Variants in MCC observed in about 807,000 individuals in gnomAD.
The protein encoded by MCC is MCC regulator of Wnt signaling pathway, also known as colorectal mutant cancer protein.
A neutral mutation model predicts 116.2 loss-of-function variants in MCC; 90 were observed. The ratio of observed to expected loss-of-function variants is 0.77; its 90% CI spans 0.65 to 0.92. The LOEUF (loss-of-function observed/expected upper bound fraction) is 0.92. Among genes scored for constraint, MCC ranks in the 40% least tolerant of loss-of-function variants. The pLI, the probability that MCC is intolerant of heterozygous loss-of-function variation, is 0.00. For missense variants in MCC, 1,516 were observed against 1,312.2 expected (o/e 1.16, Z -2.40); for synonymous variants, 578 against 510.5 (o/e 1.13, Z -1.78).
chr5:113,418,120 C>T (rs1770209382), intron 1 of MCC, among the ~76,000 whole-genome samples: 2 of 151,968 alleles, frequency 1.3e-5, no homozygotes, highest in Admixed American at 1.3e-4. Flanking sequence ...TTGTCTAAGG[C>T]CTACTTCTTT....
At chr5:113,459,633 T>C (rs1205914023) in intron 1 of MCC, among the ~76,000 whole-genome samples, 1 of 152,164 alleles carries the variant, frequency 6.6e-6, no homozygotes, top group South Asian at 2.1e-4. Context: ...GCAATCCTGA[T>C]GGAAGGACCT....
At chr5:113,098,497 T>C (rs1368941402) in intron 8 of MCC, among the ~76,000 whole-genome samples, 2 of 152,348 alleles carry the variant, frequency 1.3e-5, no homozygotes, top group South Asian at 2.1e-4. Context: ...CTCCCTTGCC[T>C]ACATTAAGCC....
chr5:113,352,729 G>A (rs1407835019), intron 2 of MCC, among the ~76,000 whole-genome samples: 1 of 151,776 alleles, frequency 6.6e-6, no homozygotes, highest in East Asian at 1.9e-4. Flanking sequence ...CAGATCTATA[G>A]TAAGAGATGA....
At chr5:113,129,990 T>C (rs1263186718) in intron 5 of MCC, among the ~76,000 whole-genome samples, 1 of 152,212 alleles carries the variant, frequency 6.6e-6, no homozygotes, top group African/African-American at 2.4e-5. Flanking sequence ...ACTGGGTATA[T>C]ACCCAAAGGA....
chr5:113,344,243 C>T (rs1222610403), intron 2 of MCC, among the ~76,000 whole-genome samples: 1 of 152,168 alleles, frequency 6.6e-6, no homozygotes, highest in African/African-American at 2.4e-5. Context: ...TTGGATCAGC[C>T]CTAGCCAGAG....
chr5:113,066,694 G>T (rs573641345), intron 13 of MCC, among the ~76,000 whole-genome samples: 2 of 152,232 alleles, frequency 1.3e-5, no homozygotes, highest in South Asian at 4.1e-4. Flanking sequence ...CCAGACAAAG[G>T]GGGAGGAGCG....
At position 113,151,358 on chromosome 5, in the gene MCC, T is replaced by C. The variant is rs751979158; in HGVS notation, c.692A>G (p.Gln231Arg). 1 of 1,613,984 alleles carries C rather than the reference T, an allele frequency of 6.2e-7. No individual in the cohort carries two copies. Among genetic ancestry groups the C allele is most frequent in the Non-Finnish European group, 8.5e-7 (1 of 1,179,926 alleles). The change falls in exon 4 of 19, where the codon CAA becomes CGA. Residue 231 changes from glutamine to arginine, a missense_variant. Transcript: ENST00000408903. The stretch of plus-strand genomic sequence containing the variant: ...CAGAAGGTCCCGTTCCCTCTCTGTT[T>C]GCTGGAGACGTTTATTAAGTTCCAC... ...DIVELNKRLQQTERERDLLEK... is the reference protein window; with the variant it reads ...DIVELNKRLQRTERERDLLEK...
In MCC at chr5:113,324,116, A is replaced by T. The variant is rs530086222; in HGVS notation, c.627+16403T>A. ...TGCGGTGTTGCAAGGGAGGAAACAA[A>T]TGGACAGGAGAGAGCAATGAGGATT... On this transcript the variant is annotated intron_variant, in intron 3 of 18. Transcript: ENST00000408903. Among the ~76,000 whole-genome samples the T allele has an allele frequency of 3.9e-5, 6 of 152,278 alleles. No homozygotes were observed. In the East Asian group the frequency reaches 1.2e-3, roughly 29 times the overall value.
At chr5:113,405,244 C>T (rs1479429998) in intron 1 of MCC, among the ~76,000 whole-genome samples, 1 of 152,164 alleles carries the variant, frequency 6.6e-6, no homozygotes, top group African/African-American at 2.4e-5. Flanking sequence ...ATTATCCTGT[C>T]AAGATATTTT....
chr5:113,080,109 T>C (rs1754745894), intron 11 of MCC, among the ~76,000 whole-genome samples: 1 of 152,096 alleles, frequency 6.6e-6, no homozygotes. Context: ...TGAGATACCA[T>C]CTCACACCAG....
chr5:113,030,428 C>G (rs749206403), intron 17 of MCC, among the ~76,000 whole-genome samples: 3 of 152,162 alleles, frequency 2.0e-5, no homozygotes, highest in Admixed American at 6.5e-5. Flanking sequence ...CCTGTAATCT[C>G]AGCACTTTAG....
intron 1 of MCC, among the ~76,000 whole-genome samples, chr5:113,410,756 A>G (rs1769967698): frequency 6.6e-6 from 1 of 152,078 alleles, no homozygotes; most frequent in Non-Finnish European, 1.5e-5. Flanking sequence ...TCCCTCCCCC[A>G]ACGCTCCACC....
intron 17 of MCC, among the ~76,000 whole-genome samples, chr5:113,033,289 A>G (rs1751091993): frequency 6.6e-6 from 1 of 152,220 alleles, no homozygotes; most frequent in African/African-American, 2.4e-5. Context: ...CGTAAGGCAG[A>G]AGAGTTCCTC....
intron 15 of MCC, 29 bp from the exon 16 acceptor site, chr5:113,049,328 A>T (rs199584235): frequency 3.9e-6 from 6 of 1,523,920 alleles, no homozygotes; most frequent in Non-Finnish European, 5.3e-6. Context: ...AGAGCACATG[A>T]GGCATGCCCT....
At chr5:113,108,122 A>G (rs1756856309) in intron 6 of MCC, among the ~76,000 whole-genome samples, 1 of 152,026 alleles carries the variant, frequency 6.6e-6, no homozygotes, top group African/African-American at 2.4e-5. Context: ...AGGTGGGTGG[A>G]TCACCTGAGA....
At chr5:113,104,999 G>T (rs772499240) in intron 6 of MCC, among the ~76,000 whole-genome samples, 9 of 152,178 alleles carry the variant, frequency 5.9e-5, no homozygotes, top group Non-Finnish European at 1.2e-4. Flanking sequence ...GGGTTGCTTT[G>T]AACCGCTGGA....
intron 3 of MCC, among the ~76,000 whole-genome samples, chr5:113,260,260 A>G (rs2150348107): frequency 6.6e-6 from 1 of 152,296 alleles, no homozygotes; most frequent in South Asian, 2.1e-4. Context: ...ATACTTTTAA[A>G]AATAATCTTT....
intron 16 of MCC, 114 bp downstream of exon 16, chr5:113,048,979 C>G (rs917231193): frequency 5.2e-6 from 5 of 965,060 alleles, no homozygotes; most frequent in African/African-American, 4.8e-5. Context: ...CCTGCATTTC[C>G]TATGCAAATA....
intron 3 of MCC, among the ~76,000 whole-genome samples, chr5:113,224,773 A>G (rs1410148351): frequency 1.3e-5 from 2 of 152,238 alleles, no homozygotes; most frequent in African/African-American, 4.8e-5. Flanking sequence ...CAAATCTTTT[A>G]CAGATGCAAC....
Sources: gnomAD v4.1 joint callset for allele counts (sites outside exome capture counted in the v4.1 genomes callset) on GRCh38, gnomAD v4.1.1 for gene constraint, MANE v1.5 for transcripts, NCBI Gene and HGNC (gene_info 2026-07-23, HGNC 2026-07-21) for gene names.